GAS7: variants seen among roughly 807,000 people sequenced by gnomAD.
GAS7 encodes growth arrest-specific protein 7.
A neutral mutation model predicts 71.1 loss-of-function variants in GAS7; 28 were observed. That is an observed-to-expected ratio of 0.39 (90% CI 0.29 to 0.54). GAS7 has a LOEUF of 0.54. GAS7 is among the 20% of genes least tolerant of loss of function. The probability of loss-of-function intolerance (pLI) is 0.62; values close to 1 mark genes in which losing one functional copy is unlikely to be tolerated. For synonymous variants in GAS7, 258 were observed against 245.8 expected (o/e 1.05, Z -0.46); for missense variants, 436 against 627.8 (o/e 0.69, Z 3.27).
chr17:9,981,665 G>C lies in GAS7; in HGVS notation c.385+139C>G, dbSNP rs2152129792. On this transcript the variant is annotated intron_variant, in intron 3 of 13. Coordinates refer to ENST00000432992, the MANE Select transcript of GAS7 (RefSeq NM_201433.2). The surrounding 1 kb of genome is among the most constrained non-coding windows in gnomAD (Gnocchi z 4.4). ...AACCTGCTTGGCAGCAGGCCTAAGG[G>C]ACCCTCTCCCAGGCCCAACCCCTCC... 1 of 651,024 alleles carries C rather than the reference G, an allele frequency of 1.5e-6. No homozygotes were observed. Among genetic ancestry groups the C allele is most frequent in the East Asian group, 2.7e-5 (1 of 37,694 alleles). 40.3% of individuals were successfully genotyped at this position (651,024 alleles called of 1,614,324 possible). A position where few individuals can be genotyped will look rare whatever the true frequency, so the allele number is the denominator to read the frequency against.
At chr17:10,141,619 A>T (rs575973105) in intron 1 of GAS7, among the ~76,000 whole-genome samples, 5 of 152,128 alleles carry the variant, frequency 3.3e-5, no homozygotes, top group Non-Finnish European at 7.4e-5. Flanking sequence ...AGGCCCAACA[A>T]GGCAGCATCA....
chr17:10,197,541 G>A (rs560111292), intron 1 of GAS7, among the ~76,000 whole-genome samples: 1 of 152,206 alleles, frequency 6.6e-6, no homozygotes, highest in Non-Finnish European at 1.5e-5. Context: ...GTGCAGCCCT[G>A]GGGCCAGGCC....
intron 11 of GAS7, among the ~76,000 whole-genome samples, chr17:9,922,995 G>A (rs1375920825): frequency 6.6e-6 from 1 of 152,170 alleles, no homozygotes; most frequent in African/African-American, 2.4e-5. Flanking sequence ...TGCAACCTCT[G>A]CCTTCTGGGT....
chr17:9,952,810 A>T (rs2069075258), intron 5 of GAS7, among the ~76,000 whole-genome samples: 1 of 152,238 alleles, frequency 6.6e-6, no homozygotes, highest in South Asian at 2.1e-4. Context: ...ATGGCATGCC[A>T]ATCAGAATGG....
intron 8 of GAS7, among the ~76,000 whole-genome samples, chr17:9,937,081 T>C (rs2068426986): frequency 6.6e-6 from 1 of 152,252 alleles, no homozygotes; most frequent in Non-Finnish European, 1.5e-5. Flanking sequence ...TTGCACGTTG[T>C]ACGTAGGGGG....
At chr17:10,191,039 G>A (rs1264810247) in intron 1 of GAS7, among the ~76,000 whole-genome samples, 2 of 152,020 alleles carry the variant, frequency 1.3e-5, no homozygotes, top group Non-Finnish European at 2.9e-5. Context: ...GCCGGGTGTG[G>A]TGGCGCATGC....
intron 1 of GAS7, among the ~76,000 whole-genome samples, chr17:10,040,307 C>G (rs2072838886): frequency 6.6e-6 from 1 of 152,068 alleles, no homozygotes. Context: ...GGGGGAAAAG[C>G]AGGTGGATCC....
At chr17:9,973,370 C>T (rs1413949985) in intron 3 of GAS7, among the ~76,000 whole-genome samples, 3 of 151,868 alleles carry the variant, frequency 2.0e-5, no homozygotes, top group Non-Finnish European at 4.4e-5. Context: ...TCTCCTGCCT[C>T]AGCCTCCCGA....
intron 12 of GAS7, among the ~76,000 whole-genome samples, chr17:9,918,985 A>G (rs2067692790): frequency 6.6e-6 from 1 of 152,118 alleles, no homozygotes; most frequent in Admixed American, 6.5e-5. Context: ...CTGGATGGAC[A>G]GGGGTGGCTT....
At chr17:10,101,929 A>G (rs989250766) in intron 1 of GAS7, among the ~76,000 whole-genome samples, 6 of 152,104 alleles carry the variant, frequency 3.9e-5, no homozygotes, top group Admixed American at 2.0e-4. Flanking sequence ...CCTGTCTTCT[A>G]TGAAATTTTC....
intron 1 of GAS7, among the ~76,000 whole-genome samples, chr17:10,142,558 G>A (rs909941181): frequency 4.6e-5 from 7 of 152,048 alleles, no homozygotes; most frequent in African/African-American, 7.2e-5. Flanking sequence ...TAGTAGAGAC[G>A]GGGTTTCACC....
intron 1 of GAS7, among the ~76,000 whole-genome samples, chr17:10,117,335 C>T (rs778546728): frequency 3.9e-5 from 6 of 152,142 alleles, no homozygotes; most frequent in African/African-American, 1.2e-4. Flanking sequence ...TCCCCATCTC[C>T]GGTTCTCAAC....
chr17:10,041,309 AAG>A (rs1269212284), intron 1 of GAS7, among the ~76,000 whole-genome samples: 10 of 152,206 alleles, frequency 6.6e-5, no homozygotes, highest in Non-Finnish European at 1.2e-4. Flanking sequence ...TGTAACAGCA[AAG>A]AGGGGACAGT....
At chr17:10,168,964 C>A (rs2074315055) in intron 1 of GAS7, among the ~76,000 whole-genome samples, 1 of 118,926 alleles carries the variant, frequency 8.4e-6, no homozygotes, top group Non-Finnish European at 1.7e-5. Flanking sequence ...AGTGAGACTC[C>A]ATCTCAAAAA....
intron 1 of GAS7, among the ~76,000 whole-genome samples, chr17:10,156,461 A>C (rs1452117554): frequency 6.6e-6 from 1 of 152,192 alleles, no homozygotes; most frequent in Non-Finnish European, 1.5e-5. Flanking sequence ...TCCCAGAGCA[A>C]ATAATTTTGT....
At chr17:10,091,369 T>C (rs543619313) in intron 1 of GAS7, among the ~76,000 whole-genome samples, 1 of 152,186 alleles carries the variant, frequency 6.6e-6, no homozygotes, top group African/African-American at 2.4e-5. Context: ...ACTGTTTACT[T>C]TAGAGTGGTG....
At chr17:10,111,377 CA>C (rs1458861815) in intron 1 of GAS7, among the ~76,000 whole-genome samples, 2 of 151,720 alleles carry the variant, frequency 1.3e-5, no homozygotes, top group Admixed American at 1.3e-4. Context: ...ATTAAAAATA[CA>C]AAATAATAGC....
chr17:10,073,153 T>A (rs1315847373), intron 1 of GAS7, among the ~76,000 whole-genome samples: 1 of 152,182 alleles, frequency 6.6e-6, no homozygotes, highest in Non-Finnish European at 1.5e-5. Context: ...ACAAGTGACA[T>A]GTGAATCACA....
At chr17:9,984,723 G>A (rs1261520023) in intron 2 of GAS7, among the ~76,000 whole-genome samples, 1 of 152,160 alleles carries the variant, frequency 6.6e-6, no homozygotes, top group East Asian at 1.9e-4. Flanking sequence ...AAGTAGGCTG[G>A]GAAAGAGCAT....
Sources: gnomAD v4.1 joint callset for allele counts (sites outside exome capture counted in the v4.1 genomes callset) on GRCh38, gnomAD v4.1.1 for gene constraint, Gnocchi (gnomAD v3.1) non-coding constraint, MANE v1.5 for transcripts, NCBI Gene and HGNC (gene_info 2026-07-23, HGNC 2026-07-21) for gene names.